Variants in LFNG observed in about 807,000 individuals in gnomAD.
LFNG encodes LFNG O-fucosylpeptide 3-beta-N-acetylglucosaminyltransferase.
In LFNG, 15 loss-of-function variants were observed where a neutral mutation model predicts 32.7. The observed-to-expected ratio is 0.46, with a 90% CI of 0.31 to 0.71. The LOEUF is 0.71. LFNG is among the 30% of genes least tolerant of loss of function. The probability of loss-of-function intolerance (pLI) is 0.06; values close to 1 mark genes in which losing one functional copy is unlikely to be tolerated. For missense variants in LFNG, 520 were observed against 545.7 expected, an observed-to-expected ratio of 0.95 and a Z score of 0.47; for synonymous variants, 274 against 246.8, an observed-to-expected ratio of 1.11 and a Z score of -1.03.
chr7:2,522,567 C>CCCCCCG (rs1554290451), intron 1 of LFNG, among the ~76,000 whole-genome samples: 8 of 151,236 alleles, frequency 5.3e-5, no homozygotes, highest in African/African-American at 1.7e-4. Context: ...CTGTGGGTGT[C>CCCCCCG]CCCCGGCCCC....
At chr7:2,523,411 C>T (rs1352136875) in intron 1 of LFNG, among the ~76,000 whole-genome samples, 1 of 152,232 alleles carries the variant, frequency 6.6e-6, no homozygotes, top group Non-Finnish European at 1.5e-5. Flanking sequence ...GGATCTGAGA[C>T]TACCAAGGTG....
At chr7:2,516,862 C>G (rs114025495), upstream of LFNG, among the ~76,000 whole-genome samples, 604 of 152,318 alleles carry the variant, frequency 4.0e-3, 3 homozygotes, top group African/African-American at 0.014. Flanking sequence ...AACTGAGGCT[C>G]AGGGAGTAAC....
At chr7:2,525,082 G>C (rs765676375) in intron 2 of LFNG, 137 bp from the exon 3 acceptor site, 43 of 789,790 alleles carry the variant, frequency 5.4e-5, no homozygotes, top group African/African-American at 1.9e-4. Flanking sequence ...GAGCTAGGGT[G>C]GGGGAGGCTA....
upstream of LFNG, among the ~76,000 whole-genome samples, chr7:2,516,722 A>G (rs537722981): frequency 3.9e-5 from 6 of 152,290 alleles, no homozygotes; most frequent in East Asian, 1.2e-3. Context: ...GGGAGCCCCA[A>G]ACTGGGACTG....
In LFNG at chr7:2,525,464, TGCGGCTGCTGGCCA is replaced by T; in HGVS notation, c.635_648del (p.Arg212LeufsTer67). 6.2e-7 allele frequency: 1 copy of T among 1,612,656 alleles called. No homozygotes were observed. Among genetic ancestry groups the T allele is most frequent in the Non-Finnish European group, 8.5e-7 (1 of 1,179,862 alleles). ...AACTACGTCAACCTGCGGGCCCTGC[TGCGGCTGCTGGCCA>T]GCTACCCGCACACGCGGGACGTCTA... On this transcript the variant is annotated frameshift_variant, in exon 4 of 8. Coordinates refer to ENST00000222725, the MANE Select transcript of LFNG (RefSeq NM_001040167.2). LOFTEE classifies it high-confidence loss of function.
chr7:2,521,489 C>A (rs1056427892), intron 1 of LFNG, among the ~76,000 whole-genome samples: 1 of 152,240 alleles, frequency 6.6e-6, no homozygotes, highest in East Asian at 1.9e-4. Context: ...CTACGCGCTC[C>A]GTGGGAACCG....
At position 2,520,229 on chromosome 7, in the gene LFNG, A is replaced by G. The variant is rs758997792; in HGVS notation, c.368A>G (p.Lys123Arg). ...RDVFIAVKTT[K>R]KFHRARLDLL... ...GTCTTCATCGCTGTCAAGACCACCA[A>G]AAAGTTCCACCGCGCGCGCCTCGAC... The change falls in exon 1 of 8, where the codon AAA becomes AGA. Residue 123 changes from lysine to arginine, a missense_variant. Transcript: ENST00000222725. The surrounding 1 kb of genome is among the most constrained non-coding windows in gnomAD (Gnocchi z 5.0). The G allele has an allele frequency of 8.2e-5, 132 of 1,607,946 alleles. No homozygotes were observed. The highest frequency in any genetic ancestry group is 2.5e-4 in the East Asian group (11 of 44,270).
chr7:2,517,537 C>A, upstream of LFNG: 1 of 399,274 alleles, frequency 2.5e-6, no homozygotes, highest in Non-Finnish European at 5.0e-6. Context: ...GGGTCAAAGG[C>A]ACCGCAGTCA....
rs1780039409 is a variant in LFNG, at chr7:2,527,807, G to A, written c.*595G>A. ...TTCCAGTGGCCCCACGAAGCCCCCA[G>A]TGGCTGGCTGTCCAGCTGGGCAAAC... On this transcript the variant is annotated 3_prime_UTR_variant, in exon 8 of 8. Transcript: ENST00000222725. The surrounding 1 kb of genome is among the most constrained non-coding windows in gnomAD (Gnocchi z 4.4). The A allele has an allele frequency of 1.0e-6, 1 of 1,004,484 alleles. No individual in the cohort carries two copies. The highest frequency in any genetic ancestry group is 4.1e-5 in the South Asian group (1 of 24,430). 62.2% of individuals were successfully genotyped at this position (1,004,484 alleles called of 1,614,324 possible).
downstream of LFNG, chr7:2,528,859 C>T (rs750627247): frequency 3.6e-5 from 21 of 588,672 alleles, no homozygotes; most frequent in Non-Finnish European, 5.6e-5. Flanking sequence ...TCCACATCAT[C>T]GCCTCACTTT....
chr7:2,515,389 G>A (rs567624704), upstream of LFNG, among the ~76,000 whole-genome samples: 17 of 152,188 alleles, frequency 1.1e-4, no homozygotes, highest in African/African-American at 1.7e-4. Context: ...GGACACAGAC[G>A]TAAAGGAGCA....
chr7:2,526,440 C>A lies in LFNG; in HGVS notation c.987+31C>A. On this transcript the variant is annotated intron_variant, in intron 6 of 7. Coordinates refer to ENST00000222725, the MANE Select transcript of LFNG (RefSeq NM_001040167.2). The surrounding 1 kb of genome is among the most constrained non-coding windows in gnomAD (Gnocchi z 6.9). ...CCATCCTCCGGGCCCCGCCAGGACT[C>A]CGAGAGCACAGGAAGGGACGTGTGG... The A allele has an allele frequency of 1.9e-6, 3 of 1,601,458 alleles. No individual in the cohort carries two copies. Among genetic ancestry groups the A allele is most frequent in the Non-Finnish European group, 2.5e-6 (3 of 1,179,230 alleles).
At chr7:2,523,240 A>G (rs62444249) in intron 1 of LFNG, among the ~76,000 whole-genome samples, 1 of 152,140 alleles carries the variant, frequency 6.6e-6, no homozygotes, top group Admixed American at 6.5e-5. Context: ...TGGGGAGGCC[A>G]AGGGGCTGGG....
At chr7:2,518,643 A>G (rs776795237), upstream of LFNG, 17 of 1,604,238 alleles carry the variant, frequency 1.1e-5, no homozygotes, top group South Asian at 7.7e-5. Context: ...TTAAAATGCC[A>G]TCTCAGGCGT....
At chr7:2,513,189 C>G (rs372947239), upstream of LFNG, 65 of 1,613,698 alleles carry the variant, frequency 4.0e-5, no homozygotes. Flanking sequence ...AGCAAATGCT[C>G]AGGAAGGCTG....
chr7:2,528,557 G>A (rs1030843253), downstream of LFNG: 4 of 406,132 alleles, frequency 9.8e-6, no homozygotes, highest in Admixed American at 1.1e-4. Flanking sequence ...GATAGGAAAC[G>A]CTTAGAGACA....
chr7:2,517,320 C>T (rs1168955911), upstream of LFNG, among the ~76,000 whole-genome samples: 1 of 152,212 alleles, frequency 6.6e-6, no homozygotes, highest in Non-Finnish European at 1.5e-5. Context: ...TGCTGTAAAG[C>T]TTCCTCCCGC....
In LFNG at chr7:2,526,178, G is replaced by T. The variant is rs538844195; in HGVS notation, c.822-66G>T. On this transcript the variant is annotated intron_variant, in intron 5 of 7. Coordinates refer to ENST00000222725, the MANE Select transcript of LFNG (RefSeq NM_001040167.2). This position sits in a 1 kb window ranked among gnomAD's most constrained non-coding sequence, Gnocchi z 6.9. ...GAGTGCAGCGCCTTTGCCTGGTGGG[G>T]CCTCCCCAGCTCCCAGCAGATGGCT... 48 of 1,577,282 alleles carry T rather than the reference G, an allele frequency of 3.0e-5. No homozygotes were observed. The highest frequency in any genetic ancestry group is 1.9e-5 in the Non-Finnish European group (22 of 1,154,570).
At chr7:2,529,072 C>G (rs544435658), downstream of LFNG, 13 of 408,638 alleles carry the variant, frequency 3.2e-5, no homozygotes, top group South Asian at 1.3e-4. The surrounding 1 kb of genome is among the most constrained non-coding windows in gnomAD (Gnocchi z 4.2). Context: ...TCCTGGAGAG[C>G]AGGAGCAGTG....
Sources: allele counts gnomAD v4.1 joint callset (sites outside exome capture counted in the v4.1 genomes callset), GRCh38; gene constraint gnomAD v4.1.1; non-coding constraint Gnocchi (gnomAD v3.1); transcripts MANE v1.5; gene names NCBI Gene and HGNC (gene_info 2026-07-23, HGNC 2026-07-21).